Variants in SPATA6L observed in about 807,000 individuals in gnomAD.
SPATA6L encodes the protein spermatogenesis associated 6-like protein.
A neutral mutation model predicts 49.2 loss-of-function variants in SPATA6L; 68 were observed. The ratio of observed to expected loss-of-function variants is 1.38; its 90% confidence interval spans 1.14 to 1.69. The LOEUF (loss-of-function observed/expected upper bound fraction) is 1.69, where lower values mean the gene tolerates loss of function less well. Among genes scored for constraint, SPATA6L ranks in the 40% most tolerant of loss-of-function variants. The pLI is 0.00. For missense variants in SPATA6L, 668 were observed against 464.3 expected, an observed-to-expected ratio of 1.44 and a Z score of -4.03; for synonymous variants, 198 against 165.7, an observed-to-expected ratio of 1.19 and a Z score of -1.50.
chr9:4,662,229 C>G lies in SPATA6L; in HGVS notation c.40-193G>C, dbSNP rs1299732355. On this transcript the variant is annotated intron_variant, in intron 1 of 11. Transcript: ENST00000682582. This position sits in a 1 kb window ranked among gnomAD's most constrained non-coding sequence, Gnocchi z 4.9. ...CACATTGGAAATTCCAACTCCCTCCCACGTCTCCACCAGGTGTCACAATCG... is the reference window on the plus strand; with the variant it reads ...CACATTGGAAATTCCAACTCCCTCCGACGTCTCCACCAGGTGTCACAATCG... The G allele has an allele frequency of 2.8e-6, 4 of 1,434,422 alleles. No homozygotes were observed. The highest frequency in any genetic ancestry group is 1.4e-5 in the African/African-American group (1 of 69,478). The allele number at this position is 1,434,422 out of a possible 1,614,324, so 88.9% of individuals were successfully genotyped here.
chr9:4,622,424 C>T lies in SPATA6L; in HGVS notation c.756G>A (p.Pro252=), dbSNP rs74892387. Reference sequence around the variant, plus strand: ...CTCGAGTACCTCTTCTCGTTGGAAACGGAAAGTCTGAAAACTTAGATTTTC... The same window carrying T: ...CTCGAGTACCTCTTCTCGTTGGAAATGGAAAGTCTGAAAACTTAGATTTTC... The part of the protein sequence containing the change: ...SRRKSKFSDF[P]FPTRRASSLD... The change falls in exon 7 of 12, where the codon CCG becomes CCA. Residue 252 remains proline (P), a synonymous_variant. Transcript: ENST00000682582. The T allele has an allele frequency of 2.9e-4, 473 of 1,611,614 alleles. No individual in the cohort carries two copies. The East Asian group carries it at 5.5e-3, about 19-fold the overall frequency.
chr9:4,635,620 G>C (rs1262080821), intron 3 of SPATA6L, among the ~76,000 whole-genome samples: 1 of 152,078 alleles, frequency 6.6e-6, no homozygotes, highest in East Asian at 1.9e-4. Flanking sequence ...AAAGACTAAA[G>C]AGATGTTCTA....
chr9:4,614,463 A>G (rs188426220), intron 9 of SPATA6L, among the ~76,000 whole-genome samples: 55 of 152,204 alleles, frequency 3.6e-4, no homozygotes, highest in Non-Finnish European at 7.1e-4. Flanking sequence ...TATGAAAAGA[A>G]CACTGAGTGA....
intron 9 of SPATA6L, among the ~76,000 whole-genome samples, chr9:4,615,282 T>A (rs1477898851): frequency 2.0e-5 from 3 of 152,238 alleles, no homozygotes; most frequent in African/African-American, 4.8e-5. Context: ...TTATTTTTTT[T>A]ATATCCTCTG....
Position 4,662,507 on chromosome 9 carries a change from C to T in SPATA6L, c.40-471G>A. 3 of 1,560,144 alleles carry T rather than the reference C, an allele frequency of 1.9e-6. No homozygotes were observed. The highest frequency in any genetic ancestry group is 2.3e-5 in the East Asian group (1 of 43,216). On this transcript the variant is annotated intron_variant, in intron 1 of 11. Transcript: ENST00000682582. This position sits in a 1 kb window ranked among gnomAD's most constrained non-coding sequence, Gnocchi z 4.9. Reference sequence around the variant, plus strand: ...GCAGGTTTGAGTTCCAGTCCCTGCTCAGCAGCCGCGCCACGGCCGTGGACC... The same window carrying T: ...GCAGGTTTGAGTTCCAGTCCCTGCTTAGCAGCCGCGCCACGGCCGTGGACC...
intron 3 of SPATA6L, among the ~76,000 whole-genome samples, chr9:4,650,225 C>T (rs1244795182): frequency 6.6e-6 from 1 of 152,212 alleles, no homozygotes; most frequent in African/African-American, 2.4e-5. Context: ...ATTCTGACTT[C>T]TACCCAGTAT....
At chr9:4,618,754 C>A in intron 8 of SPATA6L, 110 bp downstream of exon 8, 5 of 1,004,808 alleles carry the variant, frequency 5.0e-6, no homozygotes, top group Non-Finnish European at 7.5e-6. Flanking sequence ...TACAGCAATT[C>A]CACCTAAGCA....
At position 4,661,976 on chromosome 9, in the gene SPATA6L, T is replaced by C. The variant is rs181695613; in HGVS notation, c.100A>G (p.Met34Val). ...KQDVYLGVYL[M>V]NQYLETNSFP... ...CTGTTGGTCTCCAGGTACTGATTCA[T>C]GAGGTAGACCCCGAGGTACACATCT... The change falls in exon 2 of 12, where the codon ATG becomes GTG. Residue 34 changes from methionine to valine, a missense_variant. Transcript: ENST00000682582. 1 of 1,613,946 alleles carries C rather than the reference T, an allele frequency of 6.2e-7. No individual in the cohort carries two copies. The highest frequency in any genetic ancestry group is 8.5e-7 in the Non-Finnish European group (1 of 1,179,988).
At chr9:4,653,178 T>C (rs1040512945) in intron 3 of SPATA6L, among the ~76,000 whole-genome samples, 1 of 152,180 alleles carries the variant, frequency 6.6e-6, no homozygotes, top group African/African-American at 2.4e-5. Flanking sequence ...ATCAATAGAA[T>C]AGAACTGAGA....
chr9:4,628,699 G>C (rs917727254), intron 5 of SPATA6L: 1 of 165,272 alleles, frequency 6.1e-6, no homozygotes, highest in African/African-American at 2.4e-5. Context: ...CACCTGCCTC[G>C]GCCTCCCAAA....
intron 6 of SPATA6L, 59 bp downstream of exon 6, chr9:4,625,268 C>T: frequency 6.5e-7 from 1 of 1,532,622 alleles, no homozygotes; most frequent in East Asian, 2.3e-5. Flanking sequence ...TTCCTTTCTT[C>T]CACCCTCATC....
chr9:4,624,483 T>A (rs1829970512), intron 6 of SPATA6L, among the ~76,000 whole-genome samples: 1 of 152,152 alleles, frequency 6.6e-6, no homozygotes, highest in Non-Finnish European at 1.5e-5. Flanking sequence ...ATCCCAGCAC[T>A]TTGGGAGGCT....
At chr9:4,625,608 G>T (rs752570566) in intron 5 of SPATA6L, 42 bp from the exon 6 acceptor site, 3 of 1,362,918 alleles carry the variant, frequency 2.2e-6, no homozygotes, top group Non-Finnish European at 2.9e-6. Flanking sequence ...AATAAAGAAA[G>T]AAAAGAAGAA....
At chr9:4,618,962 T>G in intron 7 of SPATA6L, 64 bp from the exon 8 acceptor site, 1 of 1,464,252 alleles carries the variant, frequency 6.8e-7, no homozygotes, top group Non-Finnish European at 9.5e-7. Flanking sequence ...AAAACTGCCA[T>G]TATATTTATT....
intron 9 of SPATA6L, among the ~76,000 whole-genome samples, chr9:4,606,735 G>A (rs1209659307): frequency 7.2e-4 from 105 of 145,724 alleles, no homozygotes; most frequent in Non-Finnish European, 8.5e-4. Flanking sequence ...AAAGCAGAGC[G>A]CCTCTCCTCC....
Position 4,656,104 on chromosome 9 carries a change from G to T in SPATA6L, c.178-15C>A. 1.9e-6 allele frequency: 3 copies of T among 1,608,254 alleles called. No homozygotes were observed. The highest frequency in any genetic ancestry group is 1.7e-6 in the Non-Finnish European group (2 of 1,176,454). On this transcript the variant is annotated splice_polypyrimidine_tract_variant and intron_variant, in intron 2 of 11. Coordinates refer to ENST00000682582, the MANE Select transcript of SPATA6L (RefSeq NM_001353486.2). ...CTTTCAAATACCTGCAGAGAAAAAT[G>T]GGGAAAATAAATTTTCAAAGTTGTA...
intron 3 of SPATA6L, among the ~76,000 whole-genome samples, chr9:4,652,757 C>T (rs1837210851): frequency 1.3e-5 from 2 of 149,532 alleles, no homozygotes; most frequent in South Asian, 4.2e-4. Context: ...AGCAGAATCA[C>T]TTGAACCTGG....
intron 9 of SPATA6L, among the ~76,000 whole-genome samples, chr9:4,613,629 G>T (rs1827287136): frequency 6.6e-6 from 1 of 151,752 alleles, no homozygotes; most frequent in African/African-American, 2.4e-5. Flanking sequence ...TGTTGCCCAT[G>T]CTGGAGTGCA....
At chr9:4,663,047 C>T (rs1263404396) in intron 1 of SPATA6L, 1 of 1,613,818 alleles carries the variant, frequency 6.2e-7, no homozygotes, top group African/African-American at 1.3e-5. Flanking sequence ...TGTCGAGGTT[C>T]ATCCTGAACC....
Sources: gnomAD v4.1 joint callset for allele counts (sites outside exome capture counted in the v4.1 genomes callset) on GRCh38, gnomAD v4.1.1 for gene constraint, Gnocchi (gnomAD v3.1) non-coding constraint, MANE v1.5 for transcripts, NCBI Gene and HGNC (gene_info 2026-07-23, HGNC 2026-07-21) for gene names.